The following TMEFF2 variants were observed in gnomAD, a reference collection of about 807,000 sequenced individuals.
The protein encoded by TMEFF2 is transmembrane protein with EGF like and two follistatin like domains 2, also known as tomoregulin-2.
Under a neutral mutation model 53.8 loss-of-function variants are expected in TMEFF2, and 28 were observed. The observed-to-expected ratio is 0.52, with a 90% CI of 0.39 to 0.71. TMEFF2 has a LOEUF of 0.71. TMEFF2 is among the 30% of genes least tolerant of loss of function. The pLI is 0.00. For synonymous variants in TMEFF2, 162 were observed against 166.3 expected, an observed-to-expected ratio of 0.97 and a Z score of 0.20; for missense variants, 353 against 455.2, an observed-to-expected ratio of 0.78 and a Z score of 2.04.
chr2:192,126,141 C>A (rs1166791442), intron 4 of TMEFF2, among the ~76,000 whole-genome samples: 5 of 152,212 alleles, frequency 3.3e-5, no homozygotes, highest in African/African-American at 7.2e-5. Context: ...AGATAAAAAG[C>A]ACATGTATCA....
intron 5 of TMEFF2, among the ~76,000 whole-genome samples, chr2:192,034,207 A>T (rs886628897): frequency 6.6e-6 from 1 of 152,068 alleles, no homozygotes; most frequent in Admixed American, 6.6e-5. Context: ...TTTTTTTATA[A>T]ATATGATTTT....
At chr2:192,094,735 G>C (rs1471814175) in intron 4 of TMEFF2, among the ~76,000 whole-genome samples, 1 of 152,142 alleles carries the variant, frequency 6.6e-6, no homozygotes, top group Non-Finnish European at 1.5e-5. Context: ...TGAAGCCTGT[G>C]ATTTTAATGT....
At chr2:191,997,187 T>C (rs1215428493) in intron 7 of TMEFF2, among the ~76,000 whole-genome samples, 1 of 151,896 alleles carries the variant, frequency 6.6e-6, no homozygotes, top group Non-Finnish European at 1.5e-5. Context: ...TGTTTTTCCA[T>C]GTATAATTGT....
chr2:192,001,788 C>T (rs1240620599), intron 5 of TMEFF2, among the ~76,000 whole-genome samples: 3 of 152,126 alleles, frequency 2.0e-5, no homozygotes, highest in Admixed American at 1.3e-4. Context: ...TGAGGCCTCC[C>T]TACCCACGTG....
intron 4 of TMEFF2, among the ~76,000 whole-genome samples, chr2:192,093,583 G>C (rs566949517): frequency 1.3e-5 from 2 of 152,074 alleles, no homozygotes; most frequent in Non-Finnish European, 2.9e-5. Flanking sequence ...CTTCAACAGC[G>C]TAAGATATTT....
Position 191,949,392 on chromosome 2 carries a change from G to C in TMEFF2, c.*919C>G. 1 of 985,334 alleles carries C rather than the reference G, an allele frequency of 1.0e-6. No homozygotes were observed. The highest frequency in any genetic ancestry group is 1.1e-4 in the East Asian group (1 of 8,820). The allele number at this position is 985,334 out of a possible 1,614,324, so 61.0% of individuals were successfully genotyped here. ...CATTAGCCACAAAGCTATTCATGGG[G>C]TATTGGTTGTGATTCTAACTTCTTT... On this transcript the variant is annotated 3_prime_UTR_variant, in exon 10 of 10. Coordinates refer to ENST00000272771, the MANE Select transcript of TMEFF2 (RefSeq NM_016192.4).
At chr2:191,998,396 C>T (rs1347791921) in intron 6 of TMEFF2, 75 bp from the exon 7 acceptor site, 6 of 1,082,100 alleles carry the variant, frequency 5.5e-6, no homozygotes, top group Non-Finnish European at 8.1e-6. Flanking sequence ...TATATTTCCT[C>T]CAACAATATC....
chr2:191,972,169 G>A (rs529881823), intron 7 of TMEFF2, among the ~76,000 whole-genome samples: 8 of 148,436 alleles, frequency 5.4e-5, no homozygotes, highest in East Asian at 2.0e-4. Context: ...TTTTTAGACC[G>A]AGTCTCACTC....
At chr2:192,083,585 G>A (rs1453572741) in intron 4 of TMEFF2, among the ~76,000 whole-genome samples, 1 of 151,908 alleles carries the variant, frequency 6.6e-6, no homozygotes, top group African/African-American at 2.4e-5. Flanking sequence ...TGCATATGGA[G>A]AAAAGTTATT....
At chr2:192,111,204 G>C (rs1312999883) in intron 4 of TMEFF2, among the ~76,000 whole-genome samples, 1 of 152,138 alleles carries the variant, frequency 6.6e-6, no homozygotes, top group Admixed American at 6.6e-5. Context: ...GGTTGGAACG[G>C]TTTGGAGGGC....
intron 9 of TMEFF2, among the ~76,000 whole-genome samples, chr2:191,953,107 C>A (rs926759948): frequency 1.3e-5 from 2 of 152,180 alleles, no homozygotes; most frequent in African/African-American, 4.8e-5. Context: ...CCAAGCCCAA[C>A]GTCAGACATT....
At chr2:192,006,531 A>G (rs1686506111) in intron 5 of TMEFF2, among the ~76,000 whole-genome samples, 4 of 152,184 alleles carry the variant, frequency 2.6e-5, no homozygotes, top group Admixed American at 2.6e-4. Flanking sequence ...CCTCTATTTA[A>G]TGAGGCTTAT....
intron 4 of TMEFF2, among the ~76,000 whole-genome samples, chr2:192,164,995 T>TGTG (rs1172809770): frequency 6.6e-6 from 1 of 151,970 alleles, no homozygotes; most frequent in Non-Finnish European, 1.5e-5. Flanking sequence ...TGTGTGTGTG[T>TGTG]GTGTGTGTGT....
At chr2:192,158,601 CTA>C (rs1690561763) in intron 4 of TMEFF2, among the ~76,000 whole-genome samples, 1 of 152,030 alleles carries the variant, frequency 6.6e-6, no homozygotes, top group African/African-American at 2.4e-5. Context: ...AGCATTTCCC[CTA>C]TGTTTTTGTC....
Position 192,008,238 on chromosome 2 carries a change from CAG to C in TMEFF2, c.537-9032_537-9031del, listed in dbSNP as rs200866782. 1.1e-4 allele frequency among the ~76,000 whole-genome samples: 17 copies of C among 152,316 alleles called. No individual in the cohort carries two copies. In the East Asian group the frequency reaches 3.3e-3, roughly 29 times the overall value. On this transcript the variant is annotated intron_variant, in intron 5 of 9. Coordinates refer to ENST00000272771, the MANE Select transcript of TMEFF2 (RefSeq NM_016192.4). The stretch of plus-strand genomic sequence containing the variant: ...GACTGAAACAAAACCACAGGGGCAG[CAG>C]AGACTTATTAACGCCCACTGTGTTA...
intron 5 of TMEFF2, among the ~76,000 whole-genome samples, chr2:192,005,599 C>T (rs374804567): frequency 5.3e-5 from 8 of 152,134 alleles, no homozygotes; most frequent in African/African-American, 1.4e-4. Context: ...CCAACTATAC[C>T]GCAGTGAGGC....
chr2:192,128,755 TA>T (rs1313304921), intron 4 of TMEFF2, among the ~76,000 whole-genome samples: 2 of 152,202 alleles, frequency 1.3e-5, no homozygotes, highest in African/African-American at 4.8e-5. Context: ...TGGGCCTGTT[TA>T]AAACAACATA....
At chr2:191,963,577 G>A (rs189570902) in intron 7 of TMEFF2, among the ~76,000 whole-genome samples, 4 of 152,316 alleles carry the variant, frequency 2.6e-5, no homozygotes, top group African/African-American at 9.6e-5. Flanking sequence ...AGAGAGTGAA[G>A]AGGATTGAGG....
intron 5 of TMEFF2, among the ~76,000 whole-genome samples, chr2:192,046,974 G>A (rs1279982090): frequency 6.6e-6 from 1 of 151,356 alleles, no homozygotes; most frequent in Non-Finnish European, 1.5e-5. Context: ...AGGCTGGAGT[G>A]CAGTGGCGTG....
Sources: gnomAD v4.1 joint callset for allele counts (sites outside exome capture counted in the v4.1 genomes callset) on GRCh38, gnomAD v4.1.1 for gene constraint, MANE v1.5 for transcripts, NCBI Gene and HGNC (gene_info 2026-07-23, HGNC 2026-07-21) for gene names.